The following RUNX2 variants were observed in gnomAD, a reference collection of about 807,000 sequenced individuals.
The protein encoded by RUNX2 is RUNX family transcription factor 2.
RUNX2 carries 10 observed loss-of-function variants against 51.7 expected under a neutral mutation model. The observed-to-expected ratio is 0.19, with a 90% CI of 0.12 to 0.33. The LOEUF (loss-of-function observed/expected upper bound fraction) is 0.33, where lower values mean the gene tolerates loss of function less well. Ranked by LOEUF, RUNX2 falls within the 10% of genes least tolerant of loss-of-function variation. The pLI, the probability that RUNX2 is intolerant of heterozygous loss-of-function variation, is 1.00. For missense variants in RUNX2, 562 were observed against 691.3 expected, an observed-to-expected ratio of 0.81 and a Z score of 2.10; for synonymous variants, 276 against 273.6, an observed-to-expected ratio of 1.01 and a Z score of -0.09.
At chr6:45,361,853 C>A (rs1794318108) in intron 2 of RUNX2, among the ~76,000 whole-genome samples, 1 of 152,134 alleles carries the variant, frequency 6.6e-6, no homozygotes, top group South Asian at 2.1e-4. Context: ...GAGTTTGAGA[C>A]CAGCCTGGCC....
intron 7 of RUNX2, among the ~76,000 whole-genome samples, chr6:45,541,591 T>C (rs558105032): frequency 1.3e-5 from 2 of 152,362 alleles, no homozygotes; most frequent in South Asian, 4.1e-4. Context: ...AGCTTTGAAG[T>C]TAACACCTCA....
chr6:45,386,902 C>T (rs1797359165), intron 2 of RUNX2, among the ~76,000 whole-genome samples: 1 of 151,974 alleles, frequency 6.6e-6, no homozygotes, highest in East Asian at 1.9e-4. Context: ...GATGGTGAGC[C>T]TTGGAATAAT....
chr6:45,386,841 G>C (rs1340955425), intron 2 of RUNX2, among the ~76,000 whole-genome samples: 1 of 152,146 alleles, frequency 6.6e-6, no homozygotes, highest in African/African-American at 2.4e-5. Context: ...TTTGACAGGA[G>C]CCAGATCAAA....
chr6:45,415,953 C>T (rs1185843342), intron 2 of RUNX2, among the ~76,000 whole-genome samples: 9 of 152,036 alleles, frequency 5.9e-5, no homozygotes, highest in South Asian at 2.1e-4. Flanking sequence ...CTGCCAATAA[C>T]GAAGATAATT....
At chr6:45,488,553 G>T (rs1800354424) in intron 5 of RUNX2, among the ~76,000 whole-genome samples, 1 of 152,178 alleles carries the variant, frequency 6.6e-6, no homozygotes, top group African/African-American at 2.4e-5. Context: ...AATCCTGGCT[G>T]CAGATTGGAT....
intron 6 of RUNX2, among the ~76,000 whole-genome samples, chr6:45,495,156 A>T (rs1028052502): frequency 6.6e-6 from 1 of 152,240 alleles, no homozygotes; most frequent in Non-Finnish European, 1.5e-5. Flanking sequence ...TCTTTTAAGG[A>T]TACTGTGTAT....
intron 7 of RUNX2, among the ~76,000 whole-genome samples, chr6:45,543,626 T>G (rs960936201): frequency 6.6e-6 from 1 of 152,204 alleles, no homozygotes; most frequent in African/African-American, 2.4e-5. Flanking sequence ...GTCAAACTTA[T>G]ATTTTGCTTA....
chr6:45,448,807 G>A (rs1799076272), intron 5 of RUNX2, among the ~76,000 whole-genome samples: 2 of 152,276 alleles, frequency 1.3e-5, no homozygotes, highest in Non-Finnish European at 2.9e-5. Flanking sequence ...TGGGCCTTAT[G>A]CCTCCTTAGG....
intron 5 of RUNX2, among the ~76,000 whole-genome samples, chr6:45,453,203 T>G (rs1799223964): frequency 6.6e-6 from 1 of 152,208 alleles, no homozygotes; most frequent in Non-Finnish European, 1.5e-5. Flanking sequence ...TAAAGGGGAT[T>G]AGTGGCCCTC....
chr6:45,370,903 G>C (rs1275105007), intron 2 of RUNX2, among the ~76,000 whole-genome samples: 1 of 151,840 alleles, frequency 6.6e-6, no homozygotes, highest in East Asian at 1.9e-4. Flanking sequence ...TACTCTCACA[G>C]AAAAATTGAG....
chr6:45,403,942 A>G (rs144739390), intron 2 of RUNX2, among the ~76,000 whole-genome samples: 68 of 152,084 alleles, frequency 4.5e-4, no homozygotes, highest in African/African-American at 1.4e-3. Context: ...ATCTGGGGAA[A>G]CTCACTGAGG....
chr6:45,435,325 A>G (rs2150370169), intron 4 of RUNX2, among the ~76,000 whole-genome samples: 1 of 152,288 alleles, frequency 6.6e-6, no homozygotes. Context: ...TGTTACCAAA[A>G]CTGGTTTAAA....
intron 2 of RUNX2, among the ~76,000 whole-genome samples, chr6:45,408,002 A>G (rs2150355408): frequency 6.6e-6 from 1 of 152,282 alleles, no homozygotes; most frequent in Middle Eastern, 3.4e-3. Flanking sequence ...ATGGTATAGA[A>G]TTGATGAAAG....
At chr6:45,531,638 A>G (rs565102240) in intron 7 of RUNX2, among the ~76,000 whole-genome samples, 10 of 152,090 alleles carry the variant, frequency 6.6e-5, no homozygotes, top group Non-Finnish European at 1.3e-4. Context: ...CTGTAGTCCC[A>G]GCTACTTGGG....
intron 4 of RUNX2, among the ~76,000 whole-genome samples, chr6:45,436,730 C>G (rs1282200108): frequency 6.6e-6 from 1 of 152,142 alleles, no homozygotes; most frequent in Non-Finnish European, 1.5e-5. Context: ...CTCCATTAAG[C>G]CTTGTATATA....
chr6:45,415,314 C>T (rs987776519), intron 2 of RUNX2, among the ~76,000 whole-genome samples: 2 of 152,234 alleles, frequency 1.3e-5, no homozygotes, highest in African/African-American at 4.8e-5. Context: ...ACAGCATCCA[C>T]TACCCTCAGG....
chr6:45,482,064 A>G (rs1800132094), intron 5 of RUNX2, among the ~76,000 whole-genome samples: 1 of 152,236 alleles, frequency 6.6e-6, no homozygotes, highest in Admixed American at 6.5e-5. Flanking sequence ...ATAGTAGGTT[A>G]GAGGTGTATT....
chr6:45,512,499 A>T, intron 7 of RUNX2, 92 bp downstream of exon 7: 2 of 1,384,968 alleles, frequency 1.4e-6, no homozygotes, highest in South Asian at 2.3e-5. Context: ...GCTCACAGTG[A>T]CTCTCTATTA....
chr6:45,541,562 A>G (rs1310170800), intron 7 of RUNX2, among the ~76,000 whole-genome samples: 2 of 152,236 alleles, frequency 1.3e-5, no homozygotes, highest in Admixed American at 1.3e-4. Flanking sequence ...AACTCCTACC[A>G]TTTAAAAGGC....
Sources: allele counts gnomAD v4.1 joint callset (sites outside exome capture counted in the v4.1 genomes callset), GRCh38; gene constraint gnomAD v4.1.1; transcripts MANE v1.5; gene names NCBI Gene and HGNC (gene_info 2026-07-23, HGNC 2026-07-21).